VPS54: variants seen among roughly 807,000 people sequenced by gnomAD.
The protein encoded by VPS54 is VPS54 subunit of GARP complex.
Under a neutral mutation model 121.5 loss-of-function variants are expected in VPS54, and 45 were observed. The ratio of observed to expected loss-of-function variants is 0.37; its 90% CI spans 0.29 to 0.47. The LOEUF (loss-of-function observed/expected upper bound fraction) is 0.47. VPS54 is among the 20% of genes least tolerant of loss of function. The pLI, the probability that VPS54 is intolerant of heterozygous loss-of-function variation, is 0.99. For synonymous variants in VPS54, 371 were observed against 385.8 expected, an observed-to-expected ratio of 0.96 and a Z score of 0.45; for missense variants, 1,090 against 1,131.4, an observed-to-expected ratio of 0.96 and a Z score of 0.52.
intron 20 of VPS54, among the ~76,000 whole-genome samples, chr2:63,901,937 C>T (rs1672695722): frequency 6.6e-6 from 1 of 152,146 alleles, no homozygotes; most frequent in African/African-American, 2.4e-5. Flanking sequence ...ATTGCTTGAA[C>T]CCGGGAGGCA....
chr2:64,000,771 G>C (rs1304445212), intron 1 of VPS54, among the ~76,000 whole-genome samples: 1 of 152,156 alleles, frequency 6.6e-6, no homozygotes, highest in Non-Finnish European at 1.5e-5. Context: ...GGGGCTTGCA[G>C]CAGGGCAACA....
chr2:63,941,755 C>T (rs1674741044), intron 11 of VPS54, among the ~76,000 whole-genome samples: 1 of 152,062 alleles, frequency 6.6e-6, no homozygotes, highest in Non-Finnish European at 1.5e-5. Context: ...ATATTAGCAG[C>T]CAGGCACAGT....
chr2:63,920,888 TTAAC>T (rs1286981287), intron 13 of VPS54, among the ~76,000 whole-genome samples: 2 of 152,046 alleles, frequency 1.3e-5, no homozygotes. Context: ...ATAAACTTGT[TTAAC>T]TACATATATT....
chr2:64,016,829 G>T (rs573977309), intron 1 of VPS54, among the ~76,000 whole-genome samples: 4 of 151,618 alleles, frequency 2.6e-5, no homozygotes, highest in Non-Finnish European at 4.4e-5. Context: ...GGCTGGTCTC[G>T]AACTCTGGAC....
At chr2:63,964,428 G>A (rs1438538758) in intron 6 of VPS54, among the ~76,000 whole-genome samples, 5 of 151,978 alleles carry the variant, frequency 3.3e-5, no homozygotes, top group African/African-American at 1.2e-4. Context: ...TAAATTATCT[G>A]TATTAAAAGT....
Position 63,916,903 on chromosome 2 carries a change from A to G in VPS54, c.2225T>C (p.Val742Ala), listed in dbSNP as rs780204206. 10 of 1,613,588 alleles carry G rather than the reference A, an allele frequency of 6.2e-6. No individual in the cohort carries two copies. The highest frequency in any genetic ancestry group is 7.6e-6 in the Non-Finnish European group (9 of 1,179,604). The change falls in exon 16 of 23, where the codon GTT (valine) becomes GCT (alanine). Residue 742 changes from valine (V) to alanine (A), a missense_variant. Around this residue, in one of 2 missense-constraint regions of VPS54, gnomAD observed 289 missense variants for 374.4 expected, o/e 0.77. Coordinates refer to ENST00000272322, the MANE Select transcript of VPS54 (RefSeq NM_016516.3). ...LIVEGQQYAV[V>A]GTVLLLIRII... ...TAAAGAAAAATGTGTCACTCACCCAACAACTGCATACTGTTGTCCCTCGAC... is the reference window on the plus strand; with the variant it reads ...TAAAGAAAAATGTGTCACTCACCCAGCAACTGCATACTGTTGTCCCTCGAC...
intron 12 of VPS54, among the ~76,000 whole-genome samples, chr2:63,932,217 T>C (rs990140981): frequency 1.3e-5 from 2 of 152,208 alleles, no homozygotes; most frequent in African/African-American, 4.8e-5. Flanking sequence ...GTATGTTTAC[T>C]GTGGGGACTA....
intron 1 of VPS54, among the ~76,000 whole-genome samples, chr2:64,016,610 A>T (rs1002363559): frequency 1.5e-5 from 2 of 137,112 alleles, no homozygotes; most frequent in African/African-American, 2.7e-5. Flanking sequence ...TGAATTGTAT[A>T]TTTTTTTTTT....
At chr2:63,950,731 T>G (rs1320605471) in intron 7 of VPS54, among the ~76,000 whole-genome samples, 1 of 152,230 alleles carries the variant, frequency 6.6e-6, no homozygotes, top group Non-Finnish European at 1.5e-5. Context: ...CCTTCCTGTC[T>G]TAAATCCTGG....
chr2:63,928,664 A>C (rs560147116), intron 12 of VPS54, among the ~76,000 whole-genome samples: 31 of 152,126 alleles, frequency 2.0e-4, no homozygotes, highest in Non-Finnish European at 2.4e-4. Context: ...TAACAATATT[A>C]ACCTTAAATG....
intron 12 of VPS54, among the ~76,000 whole-genome samples, chr2:63,931,018 C>T (rs1559000215): frequency 2.0e-5 from 3 of 152,258 alleles, no homozygotes; most frequent in South Asian, 4.1e-4. Flanking sequence ...TAAGAGAGGA[C>T]ACAAACAAAT....
intron 1 of VPS54, among the ~76,000 whole-genome samples, chr2:64,012,021 GT>G (rs1227703194): frequency 1.3e-5 from 2 of 151,998 alleles, no homozygotes; most frequent in Non-Finnish European, 2.9e-5. Flanking sequence ...TAAATACAGG[GT>G]TTATGATTAC....
intron 2 of VPS54, among the ~76,000 whole-genome samples, 187 bp downstream of exon 2, chr2:63,983,677 C>T (rs1184838998): frequency 2.8e-5 from 4 of 144,506 alleles, no homozygotes; most frequent in South Asian, 2.3e-4. Flanking sequence ...CTCCTGACCT[C>T]GTGAACCGCC....
rs796463015 is a variant in VPS54 at position 63,997,626 on chromosome 2, G to A, written c.-20-13607C>T. On this transcript the variant is annotated intron_variant, in intron 1 of 22. Coordinates refer to ENST00000272322, the MANE Select transcript of VPS54 (RefSeq NM_016516.3). ...GATGTGTCAGTTTTTGTTTTGTTTT[G>A]TTTTGTTTTATCTTTTCAAAAACCC... Among the ~76,000 whole-genome samples, 6 of 151,350 alleles carry A rather than the reference G, an allele frequency of 4.0e-5. 1 individual carries two copies. The highest frequency in any genetic ancestry group is 1.5e-4 in the African/African-American group (6 of 41,244).
intron 3 of VPS54, among the ~76,000 whole-genome samples, chr2:63,979,588 C>A (rs1356071145): frequency 6.6e-6 from 1 of 152,160 alleles, no homozygotes; most frequent in African/African-American, 2.4e-5. Context: ...GATTTGAAAT[C>A]ATTCTTCTTT....
intron 11 of VPS54, among the ~76,000 whole-genome samples, chr2:63,936,112 C>T (rs1396680936): frequency 6.6e-6 from 1 of 152,078 alleles, no homozygotes; most frequent in Non-Finnish European, 1.5e-5. Context: ...TTCCCAGAGC[C>T]AATACATTCC....
At chr2:63,977,298 T>C (rs1056097607) in intron 3 of VPS54, among the ~76,000 whole-genome samples, 1 of 152,248 alleles carries the variant, frequency 6.6e-6, no homozygotes, top group African/African-American at 2.4e-5. Flanking sequence ...AAATTTGCTC[T>C]TCTTTTGATA....
chr2:63,962,297 A>G lies in VPS54; in HGVS notation c.771T>C (p.Asp257=), dbSNP rs751731441. 4.3e-6 allele frequency: 7 copies of G among 1,613,974 alleles called. No homozygotes were observed. Among genetic ancestry groups the G allele is most frequent in the Non-Finnish European group, 5.9e-6 (7 of 1,179,956 alleles). Residue 257 remains aspartate (D), a synonymous_variant, in exon 7 of 23, where the codon GAT becomes GAC. Coordinates refer to ENST00000272322, the MANE Select transcript of VPS54 (RefSeq NM_016516.3). ...KTSQAVKMLR[D]KIAQIDKVMC... is the part of the protein sequence containing the mutation. ...TTACTTTATCAATCTGTGCAATTTT[A>G]TCTCGAAGCATTTTTACAGCCTGGG...
intron 15 of VPS54, among the ~76,000 whole-genome samples, chr2:63,917,940 G>C (rs1201810399): frequency 1.3e-5 from 2 of 151,904 alleles, no homozygotes; most frequent in African/African-American, 4.8e-5. Context: ...CTGTAAATGA[G>C]ATAACACATG....
Sources: gnomAD v4.1 joint callset for allele counts (sites outside exome capture counted in the v4.1 genomes callset) on GRCh38, gnomAD v4.1.1 for gene constraint, gnomAD v4.1.1 regional missense constraint, MANE v1.5 for transcripts, NCBI Gene and HGNC (gene_info 2026-07-23, HGNC 2026-07-21) for gene names.